Variants in NLGN4X observed in about 807,000 individuals in gnomAD.
NLGN4X encodes the protein neuroligin-4, X-linked.
In NLGN4X, 3 loss-of-function variants were observed where a neutral mutation model predicts 40.3. The ratio of observed to expected loss-of-function variants is 0.07; its 90% CI spans 0.03 to 0.19. NLGN4X has a LOEUF of 0.19. Ranked by LOEUF, NLGN4X falls within the 10% of genes least tolerant of loss-of-function variation. The pLI is 1.00. For missense variants in NLGN4X, 382 were observed against 708.3 expected, an observed-to-expected ratio of 0.54 and a Z score of 5.23; for synonymous variants, 270 against 306.8, an observed-to-expected ratio of 0.88 and a Z score of 1.25.
At chrX:6,187,307 T>C (rs1602390460) in intron 1 of NLGN4X, among the ~76,000 whole-genome samples, 2 of 61,324 alleles carry the variant, frequency 3.3e-5, no homozygotes, top group African/African-American at 7.3e-5. Flanking sequence ...TGAAACCCCG[T>C]CCCTACTAAA....
At chrX:5,974,507 CAT>C (rs1489478280) in intron 3 of NLGN4X, among the ~76,000 whole-genome samples, 1 of 111,606 alleles carries the variant, frequency 9.0e-6, no homozygotes, top group Non-Finnish European at 1.9e-5. Flanking sequence ...TATTGACTGA[CAT>C]AATGAAAAAT....
At chrX:6,073,824 C>A (rs935451016) in intron 2 of NLGN4X, among the ~76,000 whole-genome samples, 3 of 109,817 alleles carry the variant, frequency 2.7e-5, no homozygotes, top group Admixed American at 9.8e-5. Context: ...GTTCATTTGG[C>A]CACAATTTAA....
chrX:6,172,612 G>C (rs971884095), intron 1 of NLGN4X, among the ~76,000 whole-genome samples: 1 of 111,402 alleles, frequency 9.0e-6, no homozygotes, highest in Non-Finnish European at 1.9e-5. Flanking sequence ...TTTGTCTCTT[G>C]TTTTCTTGGT....
At chrX:6,105,442 GTACAT>G (rs2039013248) in intron 2 of NLGN4X, among the ~76,000 whole-genome samples, 1 of 111,075 alleles carries the variant, frequency 9.0e-6, no homozygotes, top group Non-Finnish European at 1.9e-5. Flanking sequence ...AAAAAAAAAA[GTACAT>G]TAGATTAGCA....
intron 4 of NLGN4X, among the ~76,000 whole-genome samples, chrX:5,905,618 G>A (rs2032131743): frequency 8.9e-6 from 1 of 111,988 alleles, no homozygotes; most frequent in Non-Finnish European, 1.9e-5. Flanking sequence ...CACTTTCCAC[G>A]TGTACTTTGT....
chrX:5,894,201 G>C (rs1323540639), intron 5 of NLGN4X, among the ~76,000 whole-genome samples: 1 of 111,994 alleles, frequency 8.9e-6, no homozygotes, highest in Non-Finnish European at 1.9e-5. Context: ...GAAGTTATCT[G>C]GACCCAAATG....
At chrX:6,228,004 A>G (rs777609585) in intron 1 of NLGN4X, among the ~76,000 whole-genome samples, 3 of 109,654 alleles carry the variant, frequency 2.7e-5, no homozygotes, top group East Asian at 2.9e-4. Context: ...AAAGCCTCCC[A>G]TGCCTCACAG....
chrX:6,013,825 C>T (rs1010569186), intron 3 of NLGN4X, among the ~76,000 whole-genome samples: 8 of 110,024 alleles, frequency 7.3e-5, no homozygotes, highest in African/African-American at 2.6e-4. Flanking sequence ...ACACTGCACT[C>T]CAACCTATCT....
intron 3 of NLGN4X, among the ~76,000 whole-genome samples, chrX:5,911,661 AG>A (rs775365482): frequency 1.8e-3 from 202 of 112,097 alleles, no homozygotes; most frequent in African/African-American, 6.3e-3. Flanking sequence ...ACTATCAACA[AG>A]GGGGAGTGCC....
intron 3 of NLGN4X, among the ~76,000 whole-genome samples, chrX:6,001,322 G>C (rs1217943199): frequency 8.9e-6 from 1 of 112,021 alleles, no homozygotes; most frequent in African/African-American, 3.2e-5. Flanking sequence ...TATAAACCAA[G>C]TCAAATGGAG....
At chrX:6,104,889 A>G (rs1005441750) in intron 2 of NLGN4X, among the ~76,000 whole-genome samples, 1 of 111,051 alleles carries the variant, frequency 9.0e-6, no homozygotes, top group Admixed American at 9.7e-5. Flanking sequence ...AAGTTGAACC[A>G]AACAGATCCA....
chrX:5,942,269 T>TAAATAA (rs770694252), intron 3 of NLGN4X, among the ~76,000 whole-genome samples: 92 of 109,499 alleles, frequency 8.4e-4, no homozygotes, highest in African/African-American at 2.6e-3. Flanking sequence ...AAAGAATAAA[T>TAAATAA]AAATAAAAAT....
intron 2 of NLGN4X, among the ~76,000 whole-genome samples, chrX:6,062,498 G>A (rs1357909691): frequency 1.8e-5 from 2 of 111,154 alleles, no homozygotes; most frequent in Admixed American, 1.9e-4. Flanking sequence ...CAAAGTTCTC[G>A]ATAGCACCAC....
intron 2 of NLGN4X, among the ~76,000 whole-genome samples, chrX:6,129,324 G>A (rs1477945983): frequency 9.0e-6 from 1 of 111,649 alleles, no homozygotes; most frequent in Admixed American, 9.5e-5. Context: ...AGTACTACTA[G>A]CCATGCACAG....
At chrX:5,938,955 TTGTGTGTGTGCGTGTG>T (rs760993185) in intron 3 of NLGN4X, among the ~76,000 whole-genome samples, 185 of 102,722 alleles carry the variant, frequency 1.8e-3, no homozygotes, top group African/African-American at 6.4e-3. Flanking sequence ...GTGTTTGTAT[TTGTGTGTGTGCGTGTG>T]TGTGTGTGTG....
At chrX:6,008,273 C>A (rs4514146) in intron 3 of NLGN4X, among the ~76,000 whole-genome samples, 3,355 of 111,731 alleles carry the variant, frequency 0.03, 116 homozygotes, top group East Asian at 0.17. Context: ...CACCAGCAAC[C>A]ACTAATCTAC....
At chrX:5,911,689 T>C (rs1343811624) in intron 3 of NLGN4X, among the ~76,000 whole-genome samples, 1 of 112,034 alleles carries the variant, frequency 8.9e-6, no homozygotes, top group African/African-American at 3.2e-5. Flanking sequence ...AGGTACACAA[T>C]GAATGCAATA....
chrX:5,956,164 AAT>A (rs1031660059), intron 3 of NLGN4X, among the ~76,000 whole-genome samples: 210 of 108,129 alleles, frequency 1.9e-3, no homozygotes, highest in Middle Eastern at 9.5e-3. Context: ...TATAATATGA[AAT>A]ATATATATTT....
intron 1 of NLGN4X, among the ~76,000 whole-genome samples, chrX:6,199,907 C>T (rs1351704090): frequency 3.6e-5 from 4 of 111,588 alleles, no homozygotes; most frequent in South Asian, 7.5e-4. Context: ...CAAGGAAGAT[C>T]GATATTCCCT....
Sources: allele counts gnomAD v4.1 joint callset (sites outside exome capture counted in the v4.1 genomes callset), GRCh38; gene constraint gnomAD v4.1.1; transcripts MANE v1.5; gene names NCBI Gene and HGNC (gene_info 2026-07-23, HGNC 2026-07-21).